KCNN2: variants seen among roughly 807,000 people sequenced by gnomAD.
The protein encoded by KCNN2 is potassium calcium-activated channel subfamily N member 2.
A neutral mutation model predicts 55.5 loss-of-function variants in KCNN2; 24 were observed. The observed-to-expected ratio is 0.43, with a 90% CI of 0.31 to 0.61. The LOEUF (loss-of-function observed/expected upper bound fraction) is 0.61, where lower values mean the gene tolerates loss of function less well. KCNN2 is among the 20% of genes least tolerant of loss of function. The pLI is 0.08. For missense variants in KCNN2, 754 were observed against 853.6 expected, an observed-to-expected ratio of 0.88 and a Z score of 1.45; for synonymous variants, 431 against 336.1, an observed-to-expected ratio of 1.28 and a Z score of -3.09.
intron 2 of KCNN2, among the ~76,000 whole-genome samples, chr5:114,325,258 G>A (rs886092215): frequency 6.6e-6 from 1 of 152,152 alleles, no homozygotes; most frequent in African/African-American, 2.4e-5. Flanking sequence ...TGAATATATA[G>A]CCTGGGTTAT....
chr5:114,384,387 A>G (rs958960838), intron 2 of KCNN2, among the ~76,000 whole-genome samples: 3 of 152,194 alleles, frequency 2.0e-5, no homozygotes, highest in Non-Finnish European at 4.4e-5. Context: ...GGTTGTTCAG[A>G]AAGAGCTACA....
At chr5:114,079,095 A>C (rs1345541123) in intron 1 of KCNN2, among the ~76,000 whole-genome samples, 1 of 152,158 alleles carries the variant, frequency 6.6e-6, no homozygotes, top group African/African-American at 2.4e-5. Context: ...AATTCCTAAC[A>C]ATCTTTGTAA....
chr5:114,419,050 A>G (rs1307923427), intron 3 of KCNN2, among the ~76,000 whole-genome samples: 1 of 152,228 alleles, frequency 6.6e-6, no homozygotes, highest in Non-Finnish European at 1.5e-5. Flanking sequence ...TTTAGTTTGT[A>G]TTAGAGATTT....
chr5:114,079,332 A>T (rs1418387802), intron 1 of KCNN2, among the ~76,000 whole-genome samples: 1 of 152,220 alleles, frequency 6.6e-6, no homozygotes, highest in African/African-American at 2.4e-5. Flanking sequence ...CAAATATAAT[A>T]TAGCATTATA....
At chr5:114,191,808 T>A (rs2112563530) in intron 1 of KCNN2, among the ~76,000 whole-genome samples, 1 of 152,290 alleles carries the variant, frequency 6.6e-6, no homozygotes, top group African/African-American at 2.4e-5. Context: ...GACAATGTAT[T>A]TCCCTGGAAA....
intron 2 of KCNN2, among the ~76,000 whole-genome samples, chr5:114,375,072 TC>T (rs1757892296): frequency 6.6e-6 from 1 of 152,180 alleles, no homozygotes; most frequent in Non-Finnish European, 1.5e-5. Flanking sequence ...AGTATGCTTA[TC>T]ATGCTTTTCA....
chr5:114,155,949 T>A (rs1460001112), intron 1 of KCNN2, among the ~76,000 whole-genome samples: 1 of 152,176 alleles, frequency 6.6e-6, no homozygotes. Flanking sequence ...TCATTAAATC[T>A]TTGCCCATGC....
intron 2 of KCNN2, among the ~76,000 whole-genome samples, chr5:114,254,960 T>C (rs1466341235): frequency 6.6e-6 from 1 of 152,142 alleles, no homozygotes. Flanking sequence ...ATTTATAAAG[T>C]TGGATTTCTG....
In KCNN2 at chr5:114,119,804, T is replaced by C. The variant is rs115001784; in HGVS notation, c.-271+63304T>C. Among the ~76,000 whole-genome samples, 1,204 of 152,218 alleles carry C rather than the reference T, an allele frequency of 7.9e-3. 16 individuals are homozygous for C. Among genetic ancestry groups the C allele is most frequent in the African/African-American group, 0.028 (1,149 of 41,534 alleles). ...AAAAAGCCTTCATCACTAAGCAAAG[T>C]GACTATAGCCCAAAGGTTCTGACTA... On this transcript the variant is annotated intron_variant, in intron 1 of 10. Transcript: ENST00000512097.
At chr5:114,237,138 G>T (rs1267872027) in intron 2 of KCNN2, among the ~76,000 whole-genome samples, 1 of 152,050 alleles carries the variant, frequency 6.6e-6, no homozygotes, top group Non-Finnish European at 1.5e-5. Context: ...CTATGTGATT[G>T]TTCAGCTCTT....
At chr5:114,084,715 T>G (rs1671624893) in intron 1 of KCNN2, among the ~76,000 whole-genome samples, 2 of 151,998 alleles carry the variant, frequency 1.3e-5, no homozygotes, top group Admixed American at 1.3e-4. Context: ...ATACTTTTGG[T>G]GTTTATCTAA....
At chr5:114,494,835 G>A (rs1186115647) in intron 7 of KCNN2, among the ~76,000 whole-genome samples, 7 of 152,078 alleles carry the variant, frequency 4.6e-5, no homozygotes, top group Non-Finnish European at 7.4e-5. Flanking sequence ...CTGAAACAAG[G>A]TGCCTATATT....
intron 3 of KCNN2, among the ~76,000 whole-genome samples, chr5:114,405,190 C>T (rs1479422416): frequency 1.3e-5 from 2 of 152,098 alleles, no homozygotes; most frequent in African/African-American, 4.8e-5. Flanking sequence ...CATTTCTGTG[C>T]CTGATTGCTT....
At chr5:114,188,091 G>T (rs1210498663) in intron 1 of KCNN2, among the ~76,000 whole-genome samples, 1 of 152,196 alleles carries the variant, frequency 6.6e-6, no homozygotes, top group African/African-American at 2.4e-5. Flanking sequence ...GGGATTACAG[G>T]CGTGAGCCAC....
At chr5:114,384,652 A>T (rs1758222493) in intron 2 of KCNN2, among the ~76,000 whole-genome samples, 2 of 152,226 alleles carry the variant, frequency 1.3e-5, no homozygotes, top group South Asian at 4.1e-4. Flanking sequence ...TAATCTTTAT[A>T]AGAATATGAG....
At chr5:114,395,668 A>G (rs1440298051) in intron 2 of KCNN2, among the ~76,000 whole-genome samples, 19 of 152,174 alleles carry the variant, frequency 1.2e-4, no homozygotes, top group Admixed American at 1.2e-3. Context: ...TGTGATGTTG[A>G]GAATGTTTTC....
At chr5:114,387,290 A>G (rs774109409) in intron 2 of KCNN2, among the ~76,000 whole-genome samples, 14 of 152,182 alleles carry the variant, frequency 9.2e-5, no homozygotes, top group Non-Finnish European at 1.6e-4. Flanking sequence ...TTGCCACTTA[A>G]TGTCTATTTT....
At chr5:114,108,916 A>T (rs980737395) in intron 1 of KCNN2, among the ~76,000 whole-genome samples, 3 of 152,070 alleles carry the variant, frequency 2.0e-5, no homozygotes, top group Non-Finnish European at 4.4e-5. Flanking sequence ...AGATAGATGT[A>T]CATTTGAAGT....
At chr5:114,307,196 C>A (rs1328479206) in intron 2 of KCNN2, among the ~76,000 whole-genome samples, 1 of 152,144 alleles carries the variant, frequency 6.6e-6, no homozygotes, top group Non-Finnish European at 1.5e-5. Context: ...TGGGTTATCT[C>A]AAGTTCTCCC....
Sources: gnomAD v4.1 joint callset for allele counts (sites outside exome capture counted in the v4.1 genomes callset) on GRCh38, gnomAD v4.1.1 for gene constraint, MANE v1.5 for transcripts, NCBI Gene and HGNC (gene_info 2026-07-23, HGNC 2026-07-21) for gene names.